Variants in ZNF112 observed in about 807,000 individuals in gnomAD.
ZNF112 encodes zinc finger protein 112, also known as zinc finger protein 112 (Y14).
In ZNF112, 37 loss-of-function variants were observed where a neutral mutation model predicts 77.7. That is an observed-to-expected ratio of 0.48 (90% CI 0.37 to 0.63). The LOEUF (loss-of-function observed/expected upper bound fraction) is 0.63. ZNF112 is among the 20% of genes least tolerant of loss of function. ZNF112 has a pLI of 0.00. For missense variants in ZNF112, 950 were observed against 1,077.4 expected (o/e 0.88, Z 1.66); for synonymous variants, 333 against 363.6 (o/e 0.92, Z 0.96).
rs571070539 is a variant in ZNF112, at chr19:44,327,849, G to A, written c.2308C>T (p.Pro770Ser). Residue 770 changes from proline to serine, a missense_variant, in exon 4 of 4, where the codon CCA (proline) becomes TCA (serine). Around this residue, in one of 3 missense-constraint regions of ZNF112, gnomAD observed 373 missense variants for 482.8 expected, o/e 0.77. Coordinates refer to ENST00000354340, the MANE Select transcript of ZNF112 (RefSeq NM_013380.4). ...AHRRVHTGGK[P>S]YKCEVCTKGF... The stretch of plus-strand genomic sequence containing the variant: ...TTTGTACACACCTCACATTTGTATG[G>A]TTTCCCTCCTGTGTGAACCCTCCGA... 135 of 1,613,946 alleles carry A rather than the reference G, an allele frequency of 8.4e-5. 4 individuals carry two copies. The South Asian group carries it at 1.4e-3, about 17-fold the overall frequency.
intron 1 of ZNF112, chr19:44,341,305 C>T (rs1008988994): frequency 4.8e-6 from 2 of 417,336 alleles, no homozygotes; most frequent in Non-Finnish European, 9.5e-6. Context: ...CTAATGCACA[C>T]TTAGTTTGAG....
chr19:44,344,556 C>A (rs1434575), intron 1 of ZNF112, among the ~76,000 whole-genome samples: 2 of 151,850 alleles, frequency 1.3e-5, no homozygotes, highest in Non-Finnish European at 2.9e-5. Context: ...AACTTGGCTG[C>A]GTAATCAGCA....
At chr19:44,363,142 T>C (rs4306637) in intron 1 of ZNF112, among the ~76,000 whole-genome samples, 70,180 of 151,616 alleles carry the variant, frequency 0.46, 18,908 homozygotes, top group South Asian at 0.62. Context: ...GCTAATTTTT[T>C]TTTTTTTTTG....
chr19:44,354,315 G>C (rs1970746683), intron 1 of ZNF112, among the ~76,000 whole-genome samples: 1 of 152,072 alleles, frequency 6.6e-6, no homozygotes, highest in Admixed American at 6.5e-5. Context: ...TGCCTGTGTT[G>C]TAATAGAATT....
chr19:44,342,178 C>T (rs147360035), intron 1 of ZNF112, among the ~76,000 whole-genome samples: 7 of 152,300 alleles, frequency 4.6e-5, no homozygotes, highest in East Asian at 1.9e-4. Context: ...GAAACACACA[C>T]AGACATACAA....
upstream of ZNF112, among the ~76,000 whole-genome samples, chr19:44,358,879 C>T (rs1029688618): frequency 2.0e-5 from 3 of 152,136 alleles, no homozygotes; most frequent in Non-Finnish European, 4.4e-5. Context: ...CACCCCCAAT[C>T]TGGTTCTGTG....
At chr19:44,346,096 A>C (rs555261465) in intron 1 of ZNF112, among the ~76,000 whole-genome samples, 5 of 152,226 alleles carry the variant, frequency 3.3e-5, no homozygotes, top group African/African-American at 1.2e-4. Flanking sequence ...GCTCTGTGAT[A>C]CCTTTAAGAA....
At chr19:44,363,539 A>C (rs538029166) in intron 1 of ZNF112, among the ~76,000 whole-genome samples, 2 of 152,336 alleles carry the variant, frequency 1.3e-5, no homozygotes, top group East Asian at 3.9e-4. Flanking sequence ...ATATGGAACC[A>C]TACGGTAAGA....
Position 44,328,755 on chromosome 19 carries a change from A to G in ZNF112, c.1402T>C (p.Tyr468His), listed in dbSNP as rs1490660065. 6.2e-6 allele frequency: 10 copies of G among 1,614,056 alleles called. No individual in the cohort carries two copies. Among genetic ancestry groups the G allele is most frequent in the South Asian group, 3.3e-5 (3 of 91,076 alleles). Residue 468 changes from tyrosine (Y) to histidine (H), a missense_variant, in exon 4 of 4, where the codon TAT becomes CAT. Physicochemically the swap from Tyr to His is moderately conservative, Grantham distance 83 (BLOSUM62 2). This residue lies in a region of ZNF112 where 560 missense variants were observed against 557.3 expected (regional missense o/e 1.00). Transcript: ENST00000354340. ...VHTKEQPYKRYVCSNSFSHNL... is the reference protein window; with the variant it reads ...VHTKEQPYKRHVCSNSFSHNL... ...TGGCTGAAGCTGTTACTACACACAT[A>G]GCGTTTATATGGTTGTTCCTTAGTG... is the stretch of plus-strand genomic sequence containing the variant.
At chr19:44,351,042 G>T (rs1395941445) in intron 1 of ZNF112, among the ~76,000 whole-genome samples, 1 of 152,060 alleles carries the variant, frequency 6.6e-6, no homozygotes, top group East Asian at 1.9e-4. Context: ...CAAGGTGTCA[G>T]CAGGGCTGGT....
upstream of ZNF112, among the ~76,000 whole-genome samples, chr19:44,361,116 T>G (rs1425945131): frequency 6.6e-6 from 1 of 152,200 alleles, no homozygotes; most frequent in African/African-American, 2.4e-5. Context: ...TGATTCCACT[T>G]GTACGAAGTT....
chr19:44,345,816 C>T (rs1970578432), intron 1 of ZNF112, among the ~76,000 whole-genome samples: 1 of 152,154 alleles, frequency 6.6e-6, no homozygotes, highest in African/African-American at 2.4e-5. Context: ...AGTCTCCAGG[C>T]CCTTGCATGT....
At chr19:44,340,346 T>G in intron 2 of ZNF112, 70 bp downstream of exon 2, 5 of 1,560,444 alleles carry the variant, frequency 3.2e-6, no homozygotes, top group Non-Finnish European at 4.3e-6. Context: ...GCTTCAGAGT[T>G]TCTAACAATT....
chr19:44,341,492 G>A (rs1363112882), intron 1 of ZNF112, among the ~76,000 whole-genome samples: 1 of 152,000 alleles, frequency 6.6e-6, no homozygotes, highest in East Asian at 1.9e-4. Context: ...ACAGACTTTC[G>A]CCTTCCATCT....
At chr19:44,337,821 G>T (rs1970410260) in intron 2 of ZNF112, among the ~76,000 whole-genome samples, 1 of 128,694 alleles carries the variant, frequency 7.8e-6, no homozygotes, top group African/African-American at 3.1e-5. Context: ...GTGTATATGT[G>T]TATGTATATA....
At chr19:44,357,274 A>G (rs1436918303), upstream of ZNF112, among the ~76,000 whole-genome samples, 2 of 152,258 alleles carry the variant, frequency 1.3e-5, no homozygotes, top group East Asian at 1.9e-4. Context: ...CTACCTACCT[A>G]CTTACCAAGA....
chr19:44,329,636 T>A lies in ZNF112; in HGVS notation c.521A>T (p.His174Leu). The A allele has an allele frequency of 6.2e-7, 1 of 1,614,166 alleles. No individual in the cohort carries two copies. The highest frequency in any genetic ancestry group is 2.2e-5 in the East Asian group (1 of 44,876). Residue 174 changes from histidine to leucine, a missense_variant, in exon 4 of 4, where the codon CAT becomes CTT. By Grantham distance (99) the His-to-Leu change is moderately conservative (BLOSUM62 -3). This residue lies in a region of ZNF112 where 560 missense variants were observed against 557.3 expected (regional missense o/e 1.00). Transcript: ENST00000354340. ...CAGATACATTTTCCTCCAAGAATGA[T>A]GTGCCCTCCAAGATGGATACCCTTG... ...KSQGYPSWRA[H>L]HSWRKMYLKE...
At chr19:44,343,148 T>C in intron 1 of ZNF112, 1 of 1,255,476 alleles carries the variant, frequency 8.0e-7, no homozygotes. Flanking sequence ...TGATACTAAA[T>C]GCCTGTTGTC....
Position 44,327,416 on chromosome 19 carries a change from G to A in ZNF112, c.*17C>T. The A allele has an allele frequency of 2.6e-6, 4 of 1,543,000 alleles. No homozygotes were observed. The highest frequency in any genetic ancestry group is 3.5e-6 in the Non-Finnish European group (4 of 1,146,362). ...GAACTCTAGTGACTGGAAAATTTCA[G>A]CTCCCATTTGAGGACTTCAAAACAA... is the stretch of plus-strand genomic sequence containing the variant. On this transcript the variant is annotated 3_prime_UTR_variant, in exon 4 of 4. Coordinates refer to ENST00000354340, the MANE Select transcript of ZNF112 (RefSeq NM_013380.4).
Sources: gnomAD v4.1 joint callset for allele counts (sites outside exome capture counted in the v4.1 genomes callset) on GRCh38, gnomAD v4.1.1 for gene constraint, gnomAD v4.1.1 regional missense constraint, MANE v1.5 for transcripts, NCBI Gene and HGNC (gene_info 2026-07-23, HGNC 2026-07-21) for gene names.